IFT74: variants seen among roughly 807,000 people sequenced by gnomAD.
IFT74 encodes the protein intraflagellar transport 74.
IFT74 carries 92 observed loss-of-function variants against 96.7 expected under a neutral mutation model. The observed-to-expected ratio is 0.95, with a 90% CI of 0.80 to 1.13. The LOEUF (loss-of-function observed/expected upper bound fraction) is 1.13, where lower values mean the gene tolerates loss of function less well. Among genes scored for constraint, IFT74 ranks in the 50% most tolerant of loss-of-function variants. The pLI is 0.00. For synonymous variants in IFT74, 223 were observed against 213.2 expected (o/e 1.05, Z -0.40); for missense variants, 811 against 698.2 (o/e 1.16, Z -1.82).
chr9:26,963,184 C>T (rs1474713767), intron 2 of IFT74, among the ~76,000 whole-genome samples: 9 of 151,728 alleles, frequency 5.9e-5, no homozygotes, highest in South Asian at 2.1e-4. Context: ...GTTCAATTCC[C>T]ACCTATGAGT....
chr9:27,060,457 G>A lies in IFT74; in HGVS notation c.1624-134G>A, dbSNP rs10967687. The A allele has an allele frequency of 8.4e-3, 3,559 of 424,286 alleles. 107 individuals are homozygous for A. The highest frequency in any genetic ancestry group is 0.065 in the African/African-American group (3,160 of 48,438). 26.3% of individuals were successfully genotyped at this position (424,286 alleles called of 1,614,324 possible). ...ATTATTTAATCTTTTTTTTTCTACC[G>A]TGGCTTTATCTCAATAAAATGTAAG... On this transcript the variant is annotated intron_variant, in intron 18 of 19. Coordinates refer to ENST00000380062, the MANE Select transcript of IFT74 (RefSeq NM_025103.4).
At position 26,985,267 on chromosome 9, in the gene IFT74, G is replaced by A. The variant is rs571791025; in HGVS notation, c.465+708G>A. Among the ~76,000 whole-genome samples, 482 of 152,200 alleles carry A rather than the reference G, an allele frequency of 3.2e-3. 5 individuals carry two copies. Among genetic ancestry groups the A allele is most frequent in the South Asian group, 0.019 (94 of 4,826 alleles). On this transcript the variant is annotated intron_variant, in intron 6 of 19. Coordinates refer to ENST00000380062, the MANE Select transcript of IFT74 (RefSeq NM_025103.4). The stretch of plus-strand genomic sequence containing the variant: ...GAGCTAAATGATAACACATAGATGG[G>A]AACAACAGATAATGGGATCTACTTG...
chr9:26,978,329 A>G (rs1312964830), intron 3 of IFT74, 66 bp downstream of exon 3: 1 of 1,521,780 alleles, frequency 6.6e-7, no homozygotes, highest in East Asian at 2.4e-5. Flanking sequence ...AACTGTGAAC[A>G]ATTTAAAAAA....
intron 19 of IFT74, among the ~76,000 whole-genome samples, chr9:27,061,379 G>C (rs1376620528): frequency 6.6e-6 from 1 of 152,132 alleles, no homozygotes; most frequent in Non-Finnish European, 1.5e-5. Flanking sequence ...TTAAGATTCA[G>C]TTTTCCGGGA....
intron 7 of IFT74, 36 bp downstream of exon 7, chr9:26,988,764 A>T: frequency 6.9e-7 from 1 of 1,457,000 alleles, no homozygotes. Context: ...GATCTATGTA[A>T]GTCATATCCT....
intron 11 of IFT74, among the ~76,000 whole-genome samples, chr9:27,017,902 T>C (rs1297424276): frequency 6.6e-6 from 1 of 152,220 alleles, no homozygotes. Context: ...GAACTTCATA[T>C]GTATATGGGC....
At chr9:26,995,034 T>C (rs1176392461) in intron 8 of IFT74, 2 of 152,288 alleles carry the variant, frequency 1.3e-5, no homozygotes, top group African/African-American at 4.8e-5. Context: ...AAAAATATTT[T>C]CCAACTCTAT....
intron 15 of IFT74, among the ~76,000 whole-genome samples, chr9:27,047,732 G>A (rs1431490772): frequency 6.6e-6 from 1 of 152,128 alleles, no homozygotes; most frequent in Non-Finnish European, 1.5e-5. Flanking sequence ...AAATGTTAAT[G>A]TATTTTTATA....
chr9:27,033,064 G>A (rs1381248599), intron 13 of IFT74, among the ~76,000 whole-genome samples: 1 of 152,122 alleles, frequency 6.6e-6, no homozygotes, highest in African/African-American at 2.4e-5. Context: ...ATGGTTTACA[G>A]TTTAATGTTT....
Position 27,048,174 on chromosome 9 carries a change from C to G in IFT74, c.1233C>G (p.Ser411=). 6.3e-7 allele frequency: 1 copy of G among 1,598,420 alleles called. No homozygotes were observed. ...SRNINRIEQI[S]SITNQELKMM... The stretch of plus-strand genomic sequence containing the variant: ...ATATAAATCGTATAGAACAGATATC[C>G]TCTATCACCAATCAAGAGCTAAAGA... Residue 411 remains serine, a synonymous_variant, in exon 16 of 20, where the codon TCC becomes TCG. Coordinates refer to ENST00000380062, the MANE Select transcript of IFT74 (RefSeq NM_025103.4).
At chr9:27,048,315 A>G (rs1344922478) in intron 16 of IFT74, 41 bp downstream of exon 16, 3 of 1,328,812 alleles carry the variant, frequency 2.3e-6, no homozygotes, top group Non-Finnish European at 3.1e-6. Context: ...TTTTTTTTAA[A>G]ATATATCAAT....
intron 8 of IFT74, among the ~76,000 whole-genome samples, chr9:26,999,185 G>A (rs553701151): frequency 6.6e-6 from 1 of 152,146 alleles, no homozygotes; most frequent in African/African-American, 2.4e-5. Flanking sequence ...TGGAAAGAAA[G>A]AAATAGTTCT....
intron 13 of IFT74, among the ~76,000 whole-genome samples, chr9:27,032,543 C>T (rs912801082): frequency 6.6e-6 from 1 of 151,860 alleles, no homozygotes; most frequent in Non-Finnish European, 1.5e-5. Flanking sequence ...TTAGCCTCAG[C>T]TTATAGGAGG....
chr9:27,001,274 C>A (rs928832783), intron 8 of IFT74, among the ~76,000 whole-genome samples: 1 of 152,070 alleles, frequency 6.6e-6, no homozygotes, highest in South Asian at 2.1e-4. Context: ...CATGGGAGTG[C>A]AGCTATCTCT....
chr9:26,964,969 G>A (rs1826543538), intron 2 of IFT74, among the ~76,000 whole-genome samples: 1 of 152,090 alleles, frequency 6.6e-6, no homozygotes, highest in Non-Finnish European at 1.5e-5. Flanking sequence ...TAAGCAGAAG[G>A]ATATCCTGTA....
intron 13 of IFT74, chr9:27,036,683 G>GAAA: frequency 8.4e-7 from 1 of 1,184,726 alleles, no homozygotes; most frequent in Non-Finnish European, 1.1e-6. Context: ...TTGCTTCTGT[G>GAAA]AAAAAAAAAA....
chr9:27,020,343 C>G (rs12552948), intron 12 of IFT74, among the ~76,000 whole-genome samples: 1 of 151,500 alleles, frequency 6.6e-6, no homozygotes, highest in Non-Finnish European at 1.5e-5. Flanking sequence ...GGCTAAGGTA[C>G]TAAGAAACTA....
rs1337948381 is a variant in IFT74 at position 27,029,564 on chromosome 9, A to G, written c.1054+460A>G. ...GGAGTTCGAGACCAGCCTGACCAACATGGAGAAACCACATCTCTACTAAAA... is the reference window on the plus strand; with the variant it reads ...GGAGTTCGAGACCAGCCTGACCAACGTGGAGAAACCACATCTCTACTAAAA... On this transcript the variant is annotated intron_variant, in intron 13 of 19. Transcript: ENST00000380062. 2.0e-5 allele frequency among the ~76,000 whole-genome samples: 3 copies of G among 152,116 alleles called. No individual in the cohort carries two copies. The East Asian group carries it at 5.8e-4, about 29-fold the overall frequency.
In IFT74 at chr9:27,065,720, G is replaced by A. The variant is rs1181766442; in HGVS notation, c.*2984G>A. ...GGGGTTTTTGCTGTTCCCTTGCTCAGTTTCTCTAGACTTCTTTCCTTTTGC... is the reference window on the plus strand; with the variant it reads ...GGGGTTTTTGCTGTTCCCTTGCTCAATTTCTCTAGACTTCTTTCCTTTTGC... On this transcript the variant is annotated 3_prime_UTR_variant, in exon 20 of 20. Transcript: ENST00000380062. Among the ~76,000 whole-genome samples, 2 of 152,070 alleles carry A rather than the reference G, an allele frequency of 1.3e-5. No homozygotes were observed. The highest frequency in any genetic ancestry group is 2.9e-5 in the Non-Finnish European group (2 of 68,000).
Sources: allele counts gnomAD v4.1 joint callset (sites outside exome capture counted in the v4.1 genomes callset), GRCh38; gene constraint gnomAD v4.1.1; transcripts MANE v1.5; gene names NCBI Gene and HGNC (gene_info 2026-07-23, HGNC 2026-07-21).